Variants in CDH12 observed in about 807,000 individuals in gnomAD.
CDH12 encodes the protein cadherin-12.
CDH12 carries 41 observed loss-of-function variants against 74.1 expected under a neutral mutation model. The ratio of observed to expected loss-of-function variants is 0.55; its 90% CI spans 0.43 to 0.72. CDH12 has a LOEUF of 0.72. CDH12 is among the 30% of genes least tolerant of loss of function. The probability of loss-of-function intolerance (pLI) is 0.00; values close to 1 mark genes in which losing one functional copy is unlikely to be tolerated. For missense variants in CDH12, 945 were observed against 977.2 expected, an observed-to-expected ratio of 0.97 and a Z score of 0.44; for synonymous variants, 399 against 355.0, an observed-to-expected ratio of 1.12 and a Z score of -1.39.
intron 3 of CDH12, among the ~76,000 whole-genome samples, chr5:22,390,352 C>T (rs538518871): frequency 2.5e-4 from 38 of 152,144 alleles, no homozygotes; most frequent in Non-Finnish European, 4.7e-4. Flanking sequence ...AGTAATGTAA[C>T]TTACTTCAAA....
chr5:22,710,080 A>G (rs975488872), intron 1 of CDH12, among the ~76,000 whole-genome samples: 3 of 152,206 alleles, frequency 2.0e-5, no homozygotes, highest in African/African-American at 7.2e-5. Flanking sequence ...TAAATTGCTT[A>G]AGCCTAGACT....
chr5:22,671,635 T>A (rs1278206116), intron 1 of CDH12, among the ~76,000 whole-genome samples: 1 of 152,042 alleles, frequency 6.6e-6, no homozygotes, highest in Non-Finnish European at 1.5e-5. Context: ...GGGAACCACT[T>A]GGACAGAAGA....
intron 4 of CDH12, among the ~76,000 whole-genome samples, chr5:22,144,851 T>C (rs956523449): frequency 2.0e-5 from 3 of 152,146 alleles, no homozygotes; most frequent in African/African-American, 7.2e-5. Flanking sequence ...TAATATTACA[T>C]AAAATACGCA....
chr5:22,332,462 A>G (rs1191725483), intron 3 of CDH12, among the ~76,000 whole-genome samples: 1 of 152,188 alleles, frequency 6.6e-6, no homozygotes, highest in East Asian at 1.9e-4. Context: ...TAAATTGAGA[A>G]GTGAAATTTA....
At chr5:22,347,518 C>T (rs1300925654) in intron 3 of CDH12, among the ~76,000 whole-genome samples, 3 of 152,092 alleles carry the variant, frequency 2.0e-5, no homozygotes, top group Admixed American at 6.6e-5. Context: ...TTTGGGATGC[C>T]GCCTGGCTTC....
intron 5 of CDH12, among the ~76,000 whole-genome samples, chr5:22,058,678 A>AAAGAAAGAAAG (rs1272661937): frequency 4.6e-5 from 7 of 151,480 alleles, no homozygotes; most frequent in African/African-American, 1.2e-4. Flanking sequence ...AAGGAGAAAA[A>AAAGAAAGAAAG]AAGAAAGAAA....
At chr5:22,456,137 AAC>A (rs1745262310) in intron 2 of CDH12, among the ~76,000 whole-genome samples, 1 of 150,086 alleles carries the variant, frequency 6.7e-6, no homozygotes, top group Non-Finnish European at 1.5e-5. Flanking sequence ...ATATATATAA[AAC>A]GATCTCAAAA....
intron 5 of CDH12, among the ~76,000 whole-genome samples, chr5:22,048,799 G>A (rs886513254): frequency 1.3e-5 from 2 of 151,978 alleles, no homozygotes; most frequent in African/African-American, 4.8e-5. Context: ...ACATAAAAGT[G>A]TCAGAACTAT....
intron 1 of CDH12, among the ~76,000 whole-genome samples, chr5:22,702,152 G>A (rs185112640): frequency 6.6e-6 from 1 of 152,220 alleles, no homozygotes; most frequent in Admixed American, 6.5e-5. Context: ...GAGTTAGCAT[G>A]AGGCCAGGGG....
At chr5:22,484,741 G>A (rs1403859653) in intron 2 of CDH12, among the ~76,000 whole-genome samples, 3 of 152,216 alleles carry the variant, frequency 2.0e-5, no homozygotes, top group Non-Finnish European at 4.4e-5. Flanking sequence ...TGGCACATGT[G>A]AGTCTCACAG....
intron 1 of CDH12, among the ~76,000 whole-genome samples, chr5:22,766,096 T>C (rs1380570235): frequency 6.6e-6 from 1 of 151,956 alleles, no homozygotes; most frequent in Non-Finnish European, 1.5e-5. Context: ...TCTACCATAA[T>C]GGCAAAATAA....
At chr5:22,468,423 T>TA (rs1745820857) in intron 2 of CDH12, among the ~76,000 whole-genome samples, 1 of 152,220 alleles carries the variant, frequency 6.6e-6, no homozygotes, top group Admixed American at 6.5e-5. Flanking sequence ...CTAAAATAGT[T>TA]AAATAACACA....
At chr5:22,611,768 G>C (rs1341421033) in intron 1 of CDH12, among the ~76,000 whole-genome samples, 1 of 152,096 alleles carries the variant, frequency 6.6e-6, no homozygotes, top group Non-Finnish European at 1.5e-5. Flanking sequence ...AATCTAATTG[G>C]AAACTAGAGA....
At chr5:22,424,020 A>G (rs1168219800) in intron 2 of CDH12, among the ~76,000 whole-genome samples, 12 of 149,628 alleles carry the variant, frequency 8.0e-5, no homozygotes, top group South Asian at 4.2e-4. Flanking sequence ...AAAAAAAAAA[A>G]AAAAAAAGAA....
At chr5:22,116,370 C>T (rs1480379080) in intron 4 of CDH12, among the ~76,000 whole-genome samples, 2 of 152,216 alleles carry the variant, frequency 1.3e-5, no homozygotes, top group Non-Finnish European at 2.9e-5. Flanking sequence ...AAGAATCTGG[C>T]CGAGACGGGC....
At chr5:22,578,016 C>A (rs1469495767) in intron 1 of CDH12, among the ~76,000 whole-genome samples, 1 of 152,152 alleles carries the variant, frequency 6.6e-6, no homozygotes. Context: ...TGTATTACTG[C>A]AACCCAACTA....
At position 21,848,863 on chromosome 5, in the gene CDH12, T is replaced by C. The variant is rs201398363; in HGVS notation, c.646+5808A>G. Among the ~76,000 whole-genome samples the C allele has an allele frequency of 1.1e-4, 16 of 151,900 alleles. No homozygotes were observed. The East Asian group carries it at 2.9e-3, about 28-fold the overall frequency. ...TATACCAGAAAACTCACATATAATC[T>C]TCTGAAGACCTGATGAGCTCCCCCT... On this transcript the variant is annotated intron_variant, in intron 7 of 14. Transcript: ENST00000382254.
At chr5:21,924,341 C>A (rs565171703) in intron 6 of CDH12, among the ~76,000 whole-genome samples, 87 of 152,172 alleles carry the variant, frequency 5.7e-4, no homozygotes, top group Non-Finnish European at 1.1e-3. Context: ...CACGGCAAAA[C>A]CCTGTCTCTA....
intron 4 of CDH12, among the ~76,000 whole-genome samples, chr5:22,206,996 G>A (rs1276991674): frequency 2.0e-5 from 3 of 150,896 alleles, no homozygotes; most frequent in Non-Finnish European, 4.4e-5. Context: ...GATGGATCAC[G>A]AGGTCAGGAG....
Sources: allele counts gnomAD v4.1 joint callset (sites outside exome capture counted in the v4.1 genomes callset), GRCh38; gene constraint gnomAD v4.1.1; transcripts MANE v1.5; gene names NCBI Gene and HGNC (gene_info 2026-07-23, HGNC 2026-07-21).